Variants in UBXN11 observed in about 807,000 individuals in gnomAD.
UBXN11 encodes UBX domain protein 11, also known as UBX domain-containing protein 11.
Under a neutral mutation model 62.8 loss-of-function variants are expected in UBXN11, and 47 were observed. The observed-to-expected ratio is 0.75, with a 90% CI of 0.59 to 0.95. The LOEUF is 0.95. UBXN11 is among the 40% of genes least tolerant of loss of function. The pLI is 0.00. For missense variants in UBXN11, 638 were observed against 661.7 expected, an observed-to-expected ratio of 0.96 and a Z score of 0.39; for synonymous variants, 294 against 267.0, an observed-to-expected ratio of 1.10 and a Z score of -0.99.
chr1:26,308,109 A>T (rs78709796), upstream of UBXN11, among the ~76,000 whole-genome samples: 2 of 152,006 alleles, frequency 1.3e-5, no homozygotes, highest in Non-Finnish European at 2.9e-5. Flanking sequence ...TCTACTAAAA[A>T]TACAAAATCA....
chr1:26,312,522 G>C (rs887267191), intron 1 of UBXN11, among the ~76,000 whole-genome samples: 2 of 151,796 alleles, frequency 1.3e-5, no homozygotes, highest in Admixed American at 1.3e-4. Context: ...AAAGTGCTGG[G>C]ATTACAGGCA....
In UBXN11 at chr1:26,285,804, C is replaced by T. The variant is rs368079656; in HGVS notation, c.774+19G>A. The T allele has an allele frequency of 6.3e-7, 1 of 1,578,788 alleles. No individual in the cohort carries two copies. Among genetic ancestry groups the T allele is most frequent in the Admixed American group, 1.7e-5 (1 of 58,372 alleles). On this transcript the variant is annotated intron_variant, in intron 9 of 14. Transcript: ENST00000374222. The stretch of plus-strand genomic sequence containing the variant: ...CAGCAGGGGCACTAGAGCACCACCC[C>T]CCCCAACACCGCTCCTACCTGTGTG...
rs1214514596 is a variant in UBXN11 at position 26,282,328 on chromosome 1, A to AGGGACCGGGACC, written c.1533_1534insGGTCCCGGTCCC (p.Pro511_Cys512insGlyProGlyPro). 3.9e-6 allele frequency: 3 copies of AGGGACCGGGACC among 776,108 alleles called. No individual in the cohort carries two copies. In the Admixed American group the frequency reaches 1.9e-4, roughly 49 times the overall value. The allele number at this position is 776,108 out of a possible 1,614,324, so 48.1% of individuals were successfully genotyped here. On this transcript the variant is annotated inframe_insertion, in exon 15 of 15. Transcript: ENST00000374222. ...TGGGGGCTGGGACTGGGTCCAGGAC[A>AGGGACCGGGACC]GGGACTGGGGCCGGGACCGGGACCG... is the stretch of plus-strand genomic sequence containing the variant.
At chr1:26,286,280 T>C (rs921823469) in intron 8 of UBXN11, among the ~76,000 whole-genome samples, 1 of 152,362 alleles carries the variant, frequency 6.6e-6, no homozygotes, top group East Asian at 1.9e-4. Flanking sequence ...ATAAAGGCTA[T>C]AATCACCTCC....
chr1:26,316,125 ATTTTTTTTTTT>A (rs57889417), intron 1 of UBXN11, among the ~76,000 whole-genome samples: 2 of 91,464 alleles, frequency 2.2e-5, no homozygotes, highest in East Asian at 3.9e-4. Flanking sequence ...TGCCCGGCTA[ATTTTTTTTTTT>A]TTTTTTTTTT....
At position 26,303,028 on chromosome 1, in the gene UBXN11, T is replaced by C. The variant is rs145706958; in HGVS notation, c.-35-110A>G. The C allele has an allele frequency of 2.3e-3, 1,597 of 685,684 alleles. 14 individuals carry two copies. Among genetic ancestry groups the C allele is most frequent in the African/African-American group, 0.02 (1,134 of 55,652 alleles). 42.5% of individuals were successfully genotyped at this position (685,684 alleles called of 1,614,324 possible). ...CTACTCTTCCTAATGGGAAGCGCTG[T>C]CTAGGCAGCAGTACCTTTTGCCTCT... On this transcript the variant is annotated intron_variant, in intron 1 of 14. Transcript: ENST00000374222.
Position 26,282,853 on chromosome 1 carries a change from C to G in UBXN11, c.1151+11G>C. The G allele has an allele frequency of 6.2e-7, 1 of 1,613,632 alleles. No individual in the cohort carries two copies. The highest frequency in any genetic ancestry group is 8.5e-7 in the Non-Finnish European group (1 of 1,179,552). ...CGCCCCCAGGCCCTCACCTCCTCAT[C>G]CCGCCCTCACCTCTCTCGCTCAGCG... On this transcript the variant is annotated intron_variant, in intron 13 of 14. Coordinates refer to ENST00000374222, the MANE Select transcript of UBXN11 (RefSeq NM_001389556.1).
At chr1:26,288,059 C>T (rs961048511) in intron 8 of UBXN11, among the ~76,000 whole-genome samples, 7 of 150,640 alleles carry the variant, frequency 4.6e-5, no homozygotes, top group African/African-American at 1.5e-4. Flanking sequence ...GGCATCACCA[C>T]ACCCTGCTAA....
At chr1:26,312,871 C>T (rs1326784615) in intron 1 of UBXN11, among the ~76,000 whole-genome samples, 1 of 145,376 alleles carries the variant, frequency 6.9e-6, no homozygotes, top group Non-Finnish European at 1.5e-5. Flanking sequence ...CCCAGCTACT[C>T]AGGATGCTGA....
intron 8 of UBXN11, among the ~76,000 whole-genome samples, chr1:26,287,905 CCTT>C (rs969420277): frequency 5.3e-5 from 3 of 56,468 alleles, no homozygotes; most frequent in African/African-American, 1.5e-4. Flanking sequence ...CTGCCTCAAC[CCTT>C]TTTTTTTTTT....
At chr1:26,285,662 C>T (rs1000217951) in intron 9 of UBXN11, 121 bp from the exon 10 acceptor site, 4 of 1,362,770 alleles carry the variant, frequency 2.9e-6, no homozygotes, top group Non-Finnish European at 3.9e-6. Flanking sequence ...TGGAAACATT[C>T]AGAGTCCCAG....
intron 4 of UBXN11, 54 bp from the exon 5 acceptor site, chr1:26,298,116 T>G (rs948040932): frequency 5.7e-5 from 89 of 1,565,740 alleles, no homozygotes; most frequent in Non-Finnish European, 6.7e-5. Context: ...GGCTGAGTTG[T>G]GGGGGGGAGG....
intron 4 of UBXN11, among the ~76,000 whole-genome samples, 162 bp downstream of exon 4, chr1:26,300,764 G>A (rs531443290): frequency 1.3e-5 from 2 of 152,228 alleles, no homozygotes; most frequent in Non-Finnish European, 2.9e-5. Context: ...GGCTTGTGTG[G>A]CTTTATGCCA....
At chr1:26,300,384 C>A (rs1405600021) in intron 4 of UBXN11, among the ~76,000 whole-genome samples, 1 of 152,210 alleles carries the variant, frequency 6.6e-6, no homozygotes, top group Non-Finnish European at 1.5e-5. Context: ...AAAGTTCTAA[C>A]CTTATCCCCA....
intron 1 of UBXN11, among the ~76,000 whole-genome samples, chr1:26,316,995 G>A (rs1441289422): frequency 2.0e-5 from 3 of 151,508 alleles, no homozygotes; most frequent in East Asian, 1.9e-4. Context: ...TTGGGAGGCC[G>A]AGGCAGGCGG....
chr1:26,309,334 T>C (rs58163125), upstream of UBXN11, among the ~76,000 whole-genome samples: 21,550 of 147,224 alleles, frequency 0.15, 1,765 homozygotes, highest in African/African-American at 0.21. Context: ...TCCAACTCTC[T>C]GGTTCGAGCA....
chr1:26,309,314 C>T (rs1163909783), upstream of UBXN11, among the ~76,000 whole-genome samples: 1 of 146,302 alleles, frequency 6.8e-6, no homozygotes, highest in African/African-American at 2.5e-5. Flanking sequence ...GATCTCAGCT[C>T]ACTGCAATCT....
chr1:26,299,155 C>T (rs980136635), intron 4 of UBXN11, among the ~76,000 whole-genome samples: 6 of 152,120 alleles, frequency 3.9e-5, no homozygotes, highest in African/African-American at 1.4e-4. Flanking sequence ...ACATGGAGTG[C>T]AGGTGAGCTC....
intron 4 of UBXN11, among the ~76,000 whole-genome samples, chr1:26,300,510 C>A (rs1021081352): frequency 2.0e-5 from 3 of 152,324 alleles, no homozygotes; most frequent in African/African-American, 7.2e-5. Context: ...TAGCCCCATC[C>A]CACTTTAGGT....
Sources: allele counts gnomAD v4.1 joint callset (sites outside exome capture counted in the v4.1 genomes callset), GRCh38; gene constraint gnomAD v4.1.1; transcripts MANE v1.5; gene names NCBI Gene and HGNC (gene_info 2026-07-23, HGNC 2026-07-21).